JMJD1C: variants seen among roughly 807,000 people sequenced by gnomAD.
JMJD1C encodes the protein jumonji domain-containing protein 1C.
A neutral mutation model predicts 245.3 loss-of-function variants in JMJD1C; 31 were observed. The ratio of observed to expected loss-of-function variants is 0.13; its 90% CI spans 0.09 to 0.17. JMJD1C has a LOEUF of 0.17. JMJD1C is among the 10% of genes least tolerant of loss of function. The pLI, the probability that JMJD1C is intolerant of heterozygous loss-of-function variation, is 1.00. For synonymous variants in JMJD1C, 1,057 were observed against 1,017.4 expected (o/e 1.04, Z -0.74); for missense variants, 2,691 against 3,000.2 (o/e 0.90, Z 2.41).
At chr10:63,318,598 T>C (rs972081513) in intron 2 of JMJD1C, among the ~76,000 whole-genome samples, 2 of 152,134 alleles carry the variant, frequency 1.3e-5, no homozygotes, top group Non-Finnish European at 2.9e-5. Context: ...GAACTGATAA[T>C]AACATGTCCA....
chr10:63,336,794 A>G (rs1384552652), intron 2 of JMJD1C, among the ~76,000 whole-genome samples: 5 of 152,160 alleles, frequency 3.3e-5, no homozygotes, highest in Non-Finnish European at 7.3e-5. Flanking sequence ...AGTGTGAGCC[A>G]GGAAAAGCTA....
At chr10:63,291,306 C>A (rs145636104) in intron 2 of JMJD1C, among the ~76,000 whole-genome samples, 1 of 58,394 alleles carries the variant, frequency 1.7e-5, no homozygotes. Flanking sequence ...GAAAGTCTGT[C>A]TCAGAAAAAA....
chr10:63,393,722 T>C (rs1382960612), intron 1 of JMJD1C, among the ~76,000 whole-genome samples: 10 of 152,158 alleles, frequency 6.6e-5, no homozygotes, highest in Admixed American at 4.6e-4. Context: ...TACTCAACTA[T>C]TGGTAGATGA....
At chr10:63,425,510 A>C (rs935557048) in intron 1 of JMJD1C, among the ~76,000 whole-genome samples, 7 of 152,208 alleles carry the variant, frequency 4.6e-5, no homozygotes, top group Non-Finnish European at 1.0e-4. Context: ...GTCTGGGCGC[A>C]GTGGCTCATG....
In JMJD1C at chr10:63,348,733, G is replaced by A. The variant is rs563339229; in HGVS notation, c.333+31585C>T. ...TTGGAGGTGTTTGGGTCATGGGGAC[G>A]TATCCTTTGAATGGCTTGGTGTCCT... On this transcript the variant is annotated intron_variant, in intron 2 of 25. Coordinates refer to ENST00000399262, the MANE Select transcript of JMJD1C (RefSeq NM_032776.3). 5.9e-5 allele frequency among the ~76,000 whole-genome samples: 9 copies of A among 152,242 alleles called. No homozygotes were observed. The East Asian group carries it at 1.5e-3, about 26-fold the overall frequency.
At chr10:63,408,220 G>A (rs1299507499) in intron 1 of JMJD1C, among the ~76,000 whole-genome samples, 3 of 151,968 alleles carry the variant, frequency 2.0e-5, no homozygotes, top group Non-Finnish European at 4.4e-5. Flanking sequence ...TGGCTAACAC[G>A]GTGAAACCCC....
chr10:63,294,533 C>T (rs1433682658), intron 2 of JMJD1C, among the ~76,000 whole-genome samples: 1 of 152,184 alleles, frequency 6.6e-6, no homozygotes, highest in Non-Finnish European at 1.5e-5. Flanking sequence ...ATCCGCCCGC[C>T]TTGGCCTCCC....
chr10:63,406,662 A>T (rs1949190196), intron 1 of JMJD1C, among the ~76,000 whole-genome samples: 2 of 152,222 alleles, frequency 1.3e-5, no homozygotes, highest in South Asian at 4.1e-4. Flanking sequence ...ATGGGAAAAT[A>T]TCCTGAAAAT....
intron 10 of JMJD1C, chr10:63,204,705 T>C (rs1340901485): frequency 3.0e-6 from 3 of 985,270 alleles, no homozygotes; most frequent in Non-Finnish European, 3.6e-6. Flanking sequence ...TCGATGTTAA[T>C]CCCCCTCTCT....
Position 63,465,452 on chromosome 10 carries a change from G to C in JMJD1C, c.168+43C>G, listed in dbSNP as rs368592152. The C allele has an allele frequency of 6.1e-4, 932 of 1,533,950 alleles. 6 individuals are homozygous for C. In the African/African-American group the frequency reaches 0.012, roughly 19 times the overall value. On this transcript the variant is annotated intron_variant, in intron 1 of 25. Transcript: ENST00000399262. ...TGCAAGGTACGTCTGCGAGAGCCGG[G>C]TGCGGGCGCGGCAGGGGAAAAGGGG...
chr10:63,513,809 A>C (rs1954940189), intron 1 of JMJD1C, among the ~76,000 whole-genome samples: 1 of 152,084 alleles, frequency 6.6e-6, no homozygotes, highest in African/African-American at 2.4e-5. Flanking sequence ...GCTTCTCCGG[A>C]GGCTGAGGCA....
intron 1 of JMJD1C, among the ~76,000 whole-genome samples, chr10:63,457,445 C>T (rs1027601433): frequency 6.6e-6 from 1 of 151,960 alleles, no homozygotes; most frequent in Non-Finnish European, 1.5e-5. Context: ...TGAAAAAAGG[C>T]CAAACTTTAA....
chr10:63,456,505 CTTCT>C (rs1952424739), intron 1 of JMJD1C, among the ~76,000 whole-genome samples: 1 of 152,044 alleles, frequency 6.6e-6, no homozygotes, highest in Non-Finnish European at 1.5e-5. Context: ...ATACTGCTTC[CTTCT>C]TTGATATTCC....
chr10:63,303,585 C>G (rs1196505941), intron 2 of JMJD1C, among the ~76,000 whole-genome samples: 5 of 152,120 alleles, frequency 3.3e-5, no homozygotes, highest in Admixed American at 3.3e-4. Flanking sequence ...ATATTACAGG[C>G]GTGATCCACC....
At chr10:63,339,123 A>C (rs1044729224) in intron 2 of JMJD1C, among the ~76,000 whole-genome samples, 3 of 152,168 alleles carry the variant, frequency 2.0e-5, no homozygotes, top group Non-Finnish European at 4.4e-5. Flanking sequence ...CCACTTTACC[A>C]CCTGCCTAAC....
intron 1 of JMJD1C, among the ~76,000 whole-genome samples, chr10:63,457,966 T>C (rs953407071): frequency 6.6e-6 from 1 of 152,224 alleles, no homozygotes; most frequent in East Asian, 1.9e-4. Flanking sequence ...ATTAAATCAA[T>C]AGTTCTACAA....
At chr10:63,334,006 T>A (rs564766043) in intron 2 of JMJD1C, among the ~76,000 whole-genome samples, 1 of 152,108 alleles carries the variant, frequency 6.6e-6, no homozygotes, top group African/African-American at 2.4e-5. Flanking sequence ...GGTATACTGA[T>A]AAAAAGAAAG....
intron 1 of JMJD1C, among the ~76,000 whole-genome samples, chr10:63,417,126 A>T (rs866975458): frequency 5.3e-5 from 8 of 152,250 alleles, no homozygotes; most frequent in Middle Eastern, 6.8e-3. Context: ...CCTACTTTGA[A>T]AAAATTTTTT....
chr10:63,357,574 G>C (rs939375399), intron 2 of JMJD1C, among the ~76,000 whole-genome samples: 1 of 152,040 alleles, frequency 6.6e-6, no homozygotes, highest in Non-Finnish European at 1.5e-5. Context: ...CCAACGTGCT[G>C]GGATTACAGG....
Sources: gnomAD v4.1 joint callset for allele counts (sites outside exome capture counted in the v4.1 genomes callset) on GRCh38, gnomAD v4.1.1 for gene constraint, MANE v1.5 for transcripts, NCBI Gene and HGNC (gene_info 2026-07-23, HGNC 2026-07-21) for gene names.